The following ZNF385D variants were observed in gnomAD, a reference collection of about 807,000 sequenced individuals.
ZNF385D encodes the protein zinc finger protein 659.
Under a neutral mutation model 35.8 loss-of-function variants are expected in ZNF385D, and 15 were observed. The observed-to-expected ratio is 0.42, with a 90% CI of 0.28 to 0.64. ZNF385D has a LOEUF of 0.64. ZNF385D is among the 30% of genes least tolerant of loss of function. ZNF385D has a pLI of 0.23. For missense variants in ZNF385D, 474 were observed against 494.6 expected (o/e 0.96, Z 0.39); for synonymous variants, 212 against 186.8 (o/e 1.13, Z -1.10).
At chr3:21,423,886 C>CA in intron 7 of ZNF385D, 77 bp downstream of exon 7, 2 of 1,428,062 alleles carry the variant, frequency 1.4e-6, no homozygotes, top group South Asian at 2.5e-5. Flanking sequence ...TTAAAGGTGG[C>CA]AAAATGCCAG....
At chr3:22,150,735 C>A (rs1320450998) in intron 3 of ZNF385D, among the ~76,000 whole-genome samples, 1 of 152,038 alleles carries the variant, frequency 6.6e-6, no homozygotes, top group Non-Finnish European at 1.5e-5. Flanking sequence ...CTAAGAGAAG[C>A]ATCCAGACTA....
chr3:22,198,480 C>T (rs1374749006), intron 2 of ZNF385D, among the ~76,000 whole-genome samples: 1 of 152,020 alleles, frequency 6.6e-6, no homozygotes. Context: ...TATAGAAATA[C>T]ACTTTCATAG....
intron 3 of ZNF385D, among the ~76,000 whole-genome samples, chr3:21,809,151 G>A (rs1025167841): frequency 4.6e-5 from 7 of 152,088 alleles, no homozygotes; most frequent in South Asian, 2.1e-4. Flanking sequence ...TGACATAGAT[G>A]TTGAAATTAG....
chr3:21,538,440 C>G (rs1049058255), intron 3 of ZNF385D, among the ~76,000 whole-genome samples: 1 of 152,126 alleles, frequency 6.6e-6, no homozygotes. Flanking sequence ...TTAACTTTCA[C>G]TCTTTTACAC....
chr3:21,506,670 T>G (rs1283599684), intron 4 of ZNF385D, among the ~76,000 whole-genome samples: 3 of 152,188 alleles, frequency 2.0e-5, no homozygotes, highest in African/African-American at 4.8e-5. Flanking sequence ...ATTCTGGCTA[T>G]CTTTGGAAAT....
chr3:22,297,285 G>A (rs1702639467), intron 2 of ZNF385D, among the ~76,000 whole-genome samples: 1 of 151,864 alleles, frequency 6.6e-6, no homozygotes, highest in African/African-American at 2.4e-5. Context: ...CACCCCAAAT[G>A]ACATATCCCA....
At chr3:21,518,566 TA>T (rs1473099885) in intron 3 of ZNF385D, among the ~76,000 whole-genome samples, 2 of 152,160 alleles carry the variant, frequency 1.3e-5, no homozygotes, top group Admixed American at 6.6e-5. Context: ...ATCAAACTCT[TA>T]AAACTTCACT....
intron 3 of ZNF385D, among the ~76,000 whole-genome samples, chr3:22,050,820 CCTGA>C (rs1386649677): frequency 1.3e-5 from 2 of 152,194 alleles, no homozygotes; most frequent in African/African-American, 4.8e-5. Flanking sequence ...AATATCTGTT[CCTGA>C]CTTTCACAAT....
At chr3:22,192,975 C>A (rs1286407604) in intron 2 of ZNF385D, among the ~76,000 whole-genome samples, 1 of 152,132 alleles carries the variant, frequency 6.6e-6, no homozygotes, top group Non-Finnish European at 1.5e-5. Context: ...TGACAAAGGT[C>A]TATTTAATAC....
chr3:21,497,414 A>T (rs1303037726), intron 4 of ZNF385D, among the ~76,000 whole-genome samples: 2 of 152,206 alleles, frequency 1.3e-5, no homozygotes, highest in African/African-American at 2.4e-5. Context: ...ACAAATGAAA[A>T]AACACTCCAT....
At chr3:21,799,203 T>G (rs534416014) in intron 3 of ZNF385D, among the ~76,000 whole-genome samples, 2 of 152,178 alleles carry the variant, frequency 1.3e-5, no homozygotes, top group Non-Finnish European at 2.9e-5. Context: ...TATTAAGCAG[T>G]TGATGGATGT....
At position 21,539,585 on chromosome 3, in the gene ZNF385D, CTAAAT is replaced by C. The variant is rs1334318959; in HGVS notation, c.276+24984_276+24988del. On this transcript the variant is annotated intron_variant, in intron 3 of 7. Transcript: ENST00000281523. This position sits in a 1 kb window ranked among gnomAD's most constrained non-coding sequence, Gnocchi z 4.0. Reference sequence around the variant, plus strand: ...GTACTCTAAATGTTAAAATGATTCTCTAAATTATTGTTTCAGATTTTATAAAGTGA... The same window carrying C: ...GTACTCTAAATGTTAAAATGATTCTCTATTGTTTCAGATTTTATAAAGTGA... Among the ~76,000 whole-genome samples the C allele has an allele frequency of 6.6e-6, 1 of 151,842 alleles. No individual in the cohort carries two copies. Among genetic ancestry groups the C allele is most frequent in the African/African-American group, 2.4e-5 (1 of 41,344 alleles).
At chr3:22,250,404 T>A (rs1306012746) in intron 2 of ZNF385D, among the ~76,000 whole-genome samples, 1 of 152,034 alleles carries the variant, frequency 6.6e-6, no homozygotes, top group African/African-American at 2.4e-5. Flanking sequence ...TCAACCTCCC[T>A]AAGCAGGTTG....
chr3:22,004,996 T>G (rs761519905), intron 3 of ZNF385D, among the ~76,000 whole-genome samples: 1 of 135,328 alleles, frequency 7.4e-6, no homozygotes, highest in South Asian at 2.3e-4. Flanking sequence ...ACTTCCTAAA[T>G]TGACTGAGAC....
intron 2 of ZNF385D, among the ~76,000 whole-genome samples, chr3:22,260,116 T>G (rs1235654170): frequency 2.0e-5 from 3 of 152,064 alleles, no homozygotes; most frequent in Non-Finnish European, 4.4e-5. Flanking sequence ...TTAAATACAT[T>G]GTATTCAGGC....
intron 3 of ZNF385D, among the ~76,000 whole-genome samples, chr3:21,918,291 G>A (rs1367953867): frequency 6.6e-6 from 1 of 152,168 alleles, no homozygotes; most frequent in Non-Finnish European, 1.5e-5. Context: ...AGAAAAGTGA[G>A]AGGCCAAAAC....
intron 3 of ZNF385D, among the ~76,000 whole-genome samples, chr3:21,810,486 A>T (rs776101181): frequency 2.6e-5 from 4 of 152,150 alleles, no homozygotes; most frequent in Non-Finnish European, 4.4e-5. Flanking sequence ...TCAAACCTGC[A>T]TGTTGTGCAC....
At chr3:21,580,566 TTTTC>T (rs941092543) in intron 2 of ZNF385D, among the ~76,000 whole-genome samples, 1 of 151,032 alleles carries the variant, frequency 6.6e-6, no homozygotes, top group Non-Finnish European at 1.5e-5. Flanking sequence ...CTGCCTATTT[TTTTC>T]TTTGTTTCAG....
chr3:22,302,044 A>C (rs1702930832), intron 2 of ZNF385D, among the ~76,000 whole-genome samples: 3 of 151,856 alleles, frequency 2.0e-5, no homozygotes. Flanking sequence ...TTCCATGTTT[A>C]TACTTTGCAA....
Sources: allele counts gnomAD v4.1 joint callset (sites outside exome capture counted in the v4.1 genomes callset), GRCh38; gene constraint gnomAD v4.1.1; non-coding constraint Gnocchi (gnomAD v3.1); transcripts MANE v1.5; gene names NCBI Gene and HGNC (gene_info 2026-07-23, HGNC 2026-07-21).